VPS13C: variants seen among roughly 807,000 people sequenced by gnomAD.
VPS13C encodes the protein intermembrane lipid transfer protein VPS13C.
In VPS13C, 358 loss-of-function variants were observed where a neutral mutation model predicts 456.8. That is an observed-to-expected ratio of 0.78 (90% CI 0.72 to 0.86). The LOEUF (loss-of-function observed/expected upper bound fraction) is 0.86. VPS13C is among the 40% of genes least tolerant of loss of function. VPS13C has a pLI of 0.00. For missense variants in VPS13C, 4,818 were observed against 4,385.4 expected (o/e 1.10, Z -2.79); for synonymous variants, 1,578 against 1,486.7 (o/e 1.06, Z -1.41).
intron 1 of VPS13C, among the ~76,000 whole-genome samples, chr15:62,044,992 C>G (rs923118825): frequency 2.6e-5 from 4 of 152,062 alleles, no homozygotes; most frequent in Admixed American, 2.6e-4. Context: ...TCATTTATGA[C>G]ACATATATTT....
At chr15:62,047,923 T>C (rs1306695763) in intron 1 of VPS13C, among the ~76,000 whole-genome samples, 1 of 152,194 alleles carries the variant, frequency 6.6e-6, no homozygotes, top group East Asian at 1.9e-4. Context: ...CATTTTCCTT[T>C]TCTACCTTAA....
intron 25 of VPS13C, 27 bp from the exon 26 acceptor site, chr15:61,973,559 T>G: frequency 6.4e-7 from 1 of 1,560,582 alleles, no homozygotes; most frequent in Non-Finnish European, 8.8e-7. Flanking sequence ...AAAGTTTTCT[T>G]AAAAAGGATG....
At chr15:61,986,748 G>A (rs1417882988) in intron 18 of VPS13C, among the ~76,000 whole-genome samples, 1 of 151,998 alleles carries the variant, frequency 6.6e-6, no homozygotes, top group Non-Finnish European at 1.5e-5. Context: ...TGAGAGAGAT[G>A]GGTGGAAATT....
intron 6 of VPS13C, among the ~76,000 whole-genome samples, chr15:62,027,850 T>G (rs1299813443): frequency 6.6e-6 from 1 of 152,044 alleles, no homozygotes; most frequent in African/African-American, 2.4e-5. Flanking sequence ...CAATATGCTG[T>G]ACAGGACAGT....
chr15:61,960,258 A>C (rs992864633), intron 35 of VPS13C, among the ~76,000 whole-genome samples: 1 of 152,200 alleles, frequency 6.6e-6, no homozygotes, highest in Admixed American at 6.5e-5. Context: ...GTAGTCTTCA[A>C]AACTACAGTA....
intron 1 of VPS13C, among the ~76,000 whole-genome samples, chr15:62,057,778 C>T (rs915598789): frequency 9.2e-5 from 14 of 152,120 alleles, no homozygotes; most frequent in South Asian, 4.1e-4. Context: ...CATAAAATTA[C>T]GACATTTTTA....
chr15:61,969,980 C>T (rs1375044390), intron 27 of VPS13C, among the ~76,000 whole-genome samples: 3 of 150,028 alleles, frequency 2.0e-5, no homozygotes, highest in African/African-American at 4.9e-5. Flanking sequence ...TATGGGCAGG[C>T]TTGTGAATGC....
chr15:62,015,963 A>G (rs2047230829), intron 9 of VPS13C, among the ~76,000 whole-genome samples: 1 of 51,550 alleles, frequency 1.9e-5, no homozygotes. Flanking sequence ...AGAAGTCCAA[A>G]AAAAAAAAAA....
chr15:61,884,947 A>G (rs1049412255), intron 67 of VPS13C, among the ~76,000 whole-genome samples: 1 of 152,166 alleles, frequency 6.6e-6, no homozygotes, highest in African/African-American at 2.4e-5. Flanking sequence ...ATATTAATAC[A>G]TTACAGGTCA....
intron 16 of VPS13C, among the ~76,000 whole-genome samples, chr15:61,994,996 C>T (rs888013497): frequency 7.3e-4 from 111 of 152,288 alleles, no homozygotes; most frequent in African/African-American, 2.6e-3. Context: ...CTTCTCTTGA[C>T]TCCACATTGT....
At chr15:61,893,684 T>C (rs766614562) in intron 66 of VPS13C, among the ~76,000 whole-genome samples, 67 of 151,168 alleles carry the variant, frequency 4.4e-4, no homozygotes, top group Non-Finnish European at 5.6e-4. Context: ...CAACAACCTC[T>C]TAATAGGCAA....
chr15:61,872,338 A>G (rs994694841), intron 78 of VPS13C, among the ~76,000 whole-genome samples: 1 of 152,184 alleles, frequency 6.6e-6, no homozygotes, highest in Non-Finnish European at 1.5e-5. Context: ...TGGGTAGCTG[A>G]AATCTCTTTA....
intron 66 of VPS13C, among the ~76,000 whole-genome samples, chr15:61,896,194 T>C (rs961088263): frequency 6.6e-6 from 1 of 152,180 alleles, no homozygotes; most frequent in African/African-American, 2.4e-5. Context: ...ACCTGATGGC[T>C]TCACTGCTGA....
At chr15:61,931,508 A>G (rs988911347) in intron 49 of VPS13C, among the ~76,000 whole-genome samples, 1 of 152,082 alleles carries the variant, frequency 6.6e-6, no homozygotes, top group Non-Finnish European at 1.5e-5. Context: ...TCTGATTTAC[A>G]GTTTAATGCA....
chr15:61,880,652 G>T lies in VPS13C; in HGVS notation c.9959C>A (p.Ser3320Ter). ...ELMETSMTDM[S>*]ILSFFEHFHI... Reference sequence around the variant, plus strand: ...GAAATGTTCAAAGAAACTAAGAATTGACATATCAGTCATTGAAGTCTCCAT... The same window carrying T: ...GAAATGTTCAAAGAAACTAAGAATTTACATATCAGTCATTGAAGTCTCCAT... Residue 3320 changes from serine to a stop codon, truncating the protein, a stop_gained, in exon 73 of 85, where the codon TCA becomes TAA. Transcript: ENST00000644861. LOFTEE classifies it high-confidence loss of function. 1 of 1,598,272 alleles carries T rather than the reference G, an allele frequency of 6.3e-7. No individual in the cohort carries two copies. Among genetic ancestry groups the T allele is most frequent in the Non-Finnish European group, 8.5e-7 (1 of 1,173,446 alleles).
At chr15:61,904,479 A>T (rs1418083168) in intron 66 of VPS13C, among the ~76,000 whole-genome samples, 1 of 134,564 alleles carries the variant, frequency 7.4e-6, no homozygotes, top group Non-Finnish European at 1.6e-5. Context: ...GGCTTTAATT[A>T]AAAAAAAAAA....
At chr15:62,016,788 G>C in intron 9 of VPS13C, among the ~76,000 whole-genome samples, 1 of 152,124 alleles carries the variant, frequency 6.6e-6, no homozygotes, top group Non-Finnish European at 1.5e-5. Context: ...TATATACCCA[G>C]TAATAGGATG....
Position 61,958,716 on chromosome 15 carries a change from C to A in VPS13C, c.4057G>T (p.Val1353Phe). The change falls in exon 37 of 85, where the codon GTT (valine) becomes TTT (phenylalanine). Residue 1353 changes from valine to phenylalanine, a missense_variant and splice_region_variant. Coordinates refer to ENST00000644861, the MANE Select transcript of VPS13C (RefSeq NM_020821.3). ...EIKGHLDSMN[V>F]SLNQEDLNLL... ...TTAAGATCTTCTTGATTTAGACTAA[C>A]CTGTAAAATATTATGTTAAAAAAAA... is the stretch of plus-strand genomic sequence containing the variant. The A allele has an allele frequency of 7.0e-7, 1 of 1,426,526 alleles. No homozygotes were observed. Among genetic ancestry groups the A allele is most frequent in the Non-Finnish European group, 9.5e-7 (1 of 1,056,584 alleles). 88.4% of individuals were successfully genotyped at this position (1,426,526 alleles called of 1,614,324 possible). A position where few individuals can be genotyped will look rare whatever the true frequency, so the allele number is the denominator to read the frequency against.
chr15:61,940,939 A>G, intron 46 of VPS13C, 145 bp from the exon 47 acceptor site: 2 of 826,742 alleles, frequency 2.4e-6, no homozygotes, highest in South Asian at 4.8e-5. Context: ...TTCTTTTCAC[A>G]TTTTTAAGAT....
Sources: gnomAD v4.1 joint callset for allele counts (sites outside exome capture counted in the v4.1 genomes callset) on GRCh38, gnomAD v4.1.1 for gene constraint, MANE v1.5 for transcripts, NCBI Gene and HGNC (gene_info 2026-07-23, HGNC 2026-07-21) for gene names.